FSTL5: variants seen among roughly 807,000 people sequenced by gnomAD.
The protein encoded by FSTL5 is follistatin-related protein 5.
Under a neutral mutation model 89.1 loss-of-function variants are expected in FSTL5, and 62 were observed. The observed-to-expected ratio is 0.70, with a 90% CI of 0.57 to 0.86. FSTL5 has a LOEUF of 0.86. Among genes scored for constraint, FSTL5 ranks in the 40% least tolerant of loss-of-function variants. The pLI is 0.00. For missense variants in FSTL5, 1,057 were observed against 1,001.6 expected (o/e 1.06, Z -0.75); for synonymous variants, 383 against 346.2 (o/e 1.11, Z -1.18).
chr4:161,649,259 T>C (rs1212445355), intron 7 of FSTL5, among the ~76,000 whole-genome samples: 7 of 152,198 alleles, frequency 4.6e-5, no homozygotes, highest in Non-Finnish European at 1.5e-5. Context: ...TTAGTATGCC[T>C]GCAAATTTCC....
chr4:161,747,623 G>T (rs1442738628), intron 6 of FSTL5, among the ~76,000 whole-genome samples: 1 of 152,040 alleles, frequency 6.6e-6, no homozygotes, highest in East Asian at 1.9e-4. Context: ...CATATGGTGG[G>T]GGCAACAACT....
At chr4:161,411,422 G>A (rs1490410559) in intron 15 of FSTL5, among the ~76,000 whole-genome samples, 10 of 149,768 alleles carry the variant, frequency 6.7e-5, no homozygotes, top group Non-Finnish European at 1.5e-4. Context: ...GATGAACATA[G>A]ATGCAAAAAT....
intron 10 of FSTL5, among the ~76,000 whole-genome samples, chr4:161,527,437 C>T (rs1329756669): frequency 6.6e-6 from 1 of 152,056 alleles, no homozygotes; most frequent in East Asian, 1.9e-4. Flanking sequence ...TGAACTCAAA[C>T]AAATTTACAA....
At chr4:162,013,903 A>G (rs932226757) in intron 3 of FSTL5, among the ~76,000 whole-genome samples, 33 of 152,100 alleles carry the variant, frequency 2.2e-4, no homozygotes, top group Non-Finnish European at 4.4e-5. Flanking sequence ...AAGTGCATTG[A>G]GCTTGATAAA....
At chr4:161,888,271 C>A (rs1732878240) in intron 4 of FSTL5, among the ~76,000 whole-genome samples, 1 of 152,020 alleles carries the variant, frequency 6.6e-6, no homozygotes, top group Non-Finnish European at 1.5e-5. Context: ...TTCATAAAAG[C>A]CTTGTAGGAG....
chr4:161,705,711 TC>T (rs1738542611), intron 6 of FSTL5, among the ~76,000 whole-genome samples: 1 of 151,646 alleles, frequency 6.6e-6, no homozygotes, highest in Non-Finnish European at 1.5e-5. Context: ...GGTTCACCAA[TC>T]TTCCCTACAG....
At chr4:161,827,644 G>A (rs1427291789) in intron 4 of FSTL5, among the ~76,000 whole-genome samples, 3 of 152,130 alleles carry the variant, frequency 2.0e-5, no homozygotes, top group Non-Finnish European at 2.9e-5. Flanking sequence ...TGTGGAAGAT[G>A]GGGGCATGGT....
intron 1 of FSTL5, among the ~76,000 whole-genome samples, chr4:162,151,020 A>G (rs973757539): frequency 1.3e-5 from 2 of 152,162 alleles, no homozygotes; most frequent in African/African-American, 4.8e-5. Context: ...GCCATTATAG[A>G]GAAATCAATT....
At chr4:161,893,165 C>T (rs189182226) in intron 4 of FSTL5, among the ~76,000 whole-genome samples, 28 of 152,212 alleles carry the variant, frequency 1.8e-4, no homozygotes, top group Admixed American at 1.8e-3. Flanking sequence ...GCAGACAGAG[C>T]TTGGACTCTA....
intron 2 of FSTL5, among the ~76,000 whole-genome samples, chr4:162,057,892 C>T (rs189508185): frequency 2.7e-4 from 41 of 152,016 alleles, no homozygotes; most frequent in African/African-American, 9.2e-4. Flanking sequence ...TGCAGTGAGC[C>T]GAGATCACAT....
At chr4:161,519,795 T>A (rs1171040502) in intron 10 of FSTL5, among the ~76,000 whole-genome samples, 1 of 152,186 alleles carries the variant, frequency 6.6e-6, no homozygotes, top group Non-Finnish European at 1.5e-5. Flanking sequence ...AACATTGCCT[T>A]CTAACTCACT....
At chr4:161,816,582 AG>A (rs1300215815) in intron 4 of FSTL5, among the ~76,000 whole-genome samples, 10 of 152,190 alleles carry the variant, frequency 6.6e-5, no homozygotes, top group African/African-American at 2.2e-4. Context: ...CACTTTACAA[AG>A]GGGTAAAAGC....
chr4:161,428,844 A>T (rs1462938810), intron 15 of FSTL5, among the ~76,000 whole-genome samples: 1 of 152,016 alleles, frequency 6.6e-6, no homozygotes, highest in Non-Finnish European at 1.5e-5. Context: ...TGAGAAAAGG[A>T]GAGGAAAAAG....
chr4:161,789,864 A>T (rs1303986426), intron 4 of FSTL5, among the ~76,000 whole-genome samples: 2 of 152,200 alleles, frequency 1.3e-5, no homozygotes, highest in Non-Finnish European at 2.9e-5. Flanking sequence ...AAGTTCAGCA[A>T]AGTATGTAAA....
At chr4:161,486,676 T>G (rs1339231540) in intron 12 of FSTL5, among the ~76,000 whole-genome samples, 3 of 152,308 alleles carry the variant, frequency 2.0e-5, no homozygotes, top group South Asian at 2.1e-4. Context: ...TTAACCACTC[T>G]CTCTGCTCCT....
chr4:161,982,367 C>G (rs1231934079), intron 3 of FSTL5, among the ~76,000 whole-genome samples: 1 of 152,116 alleles, frequency 6.6e-6, no homozygotes, highest in African/African-American at 2.4e-5. Flanking sequence ...GTAAAAATGT[C>G]TGTTGTAAAG....
intron 7 of FSTL5, among the ~76,000 whole-genome samples, chr4:161,617,600 GA>G (rs1734945335): frequency 6.6e-6 from 1 of 152,052 alleles, no homozygotes; most frequent in Non-Finnish European, 1.5e-5. Context: ...AAAGGATGAA[GA>G]GAAAATATTT....
At chr4:161,465,603 C>A (rs1733723262) in intron 13 of FSTL5, among the ~76,000 whole-genome samples, 1 of 152,036 alleles carries the variant, frequency 6.6e-6, no homozygotes, top group Admixed American at 6.6e-5. Context: ...CTTGACTACC[C>A]AAATTTATTT....
chr4:162,037,593 A>G (rs1737791563), intron 2 of FSTL5, among the ~76,000 whole-genome samples: 1 of 151,890 alleles, frequency 6.6e-6, no homozygotes, highest in African/African-American at 2.4e-5. Context: ...TTTGTTTTCT[A>G]AAATCAAGTT....
Sources: allele counts gnomAD v4.1 joint callset (sites outside exome capture counted in the v4.1 genomes callset), GRCh38; gene constraint gnomAD v4.1.1; transcripts MANE v1.5; gene names NCBI Gene and HGNC (gene_info 2026-07-23, HGNC 2026-07-21).